The following ENG variants were observed in gnomAD, a reference collection of about 807,000 sequenced individuals.
The protein encoded by ENG is CD105 antigen.
In ENG, 17 loss-of-function variants were observed where a neutral mutation model predicts 71.0. That is an observed-to-expected ratio of 0.24 (90% CI 0.16 to 0.36). The LOEUF (loss-of-function observed/expected upper bound fraction) is 0.36, where lower values mean the gene tolerates loss of function less well. Ranked by LOEUF, ENG falls within the 10% of genes least tolerant of loss-of-function variation. ENG has a pLI of 1.00. For missense variants in ENG, 749 were observed against 868.3 expected, an observed-to-expected ratio of 0.86 and a Z score of 1.73; for synonymous variants, 360 against 366.9, an observed-to-expected ratio of 0.98 and a Z score of 0.21.
intron 10 of ENG, 54 bp from the exon 11 acceptor site, chr9:127,818,886 G>A: frequency 6.5e-7 from 1 of 1,540,230 alleles, no homozygotes. Flanking sequence ...AGCCAGGAGG[G>A]CGAGGGGTGT....
chr9:127,847,145 C>CA (rs1240450641), intron 1 of ENG: 2 of 159,172 alleles, frequency 1.3e-5, no homozygotes, highest in African/African-American at 4.8e-5. Context: ...CGAGTGAACT[C>CA]ATTTGATCCT....
chr9:127,815,830 G>A, intron 14 of ENG, 24 bp from the exon 15 acceptor site: 1 of 1,548,382 alleles, frequency 6.5e-7, no homozygotes, highest in Non-Finnish European at 8.7e-7. Context: ...CGGGGGCAGG[G>A]GCGGAGGTCA....
intron 13 of ENG, 197 bp downstream of exon 13, chr9:127,816,952 C>T (rs940617007): frequency 7.6e-5 from 50 of 662,084 alleles, no homozygotes; most frequent in Non-Finnish European, 1.2e-4. Context: ...GGCTCTCCAT[C>T]TGCAAAGTGC....
At chr9:127,817,714 A>G (rs1830361474) in intron 12 of ENG, 1 of 368,610 alleles carries the variant, frequency 2.7e-6, no homozygotes, top group East Asian at 6.5e-5. Context: ...TGGCAAATAC[A>G]GAAAGCCAGG....
At chr9:127,837,622 A>AACGACCAG (rs1208430219) in intron 2 of ENG, among the ~76,000 whole-genome samples, 16 of 152,226 alleles carry the variant, frequency 1.1e-4, no homozygotes, top group Non-Finnish European at 2.2e-4. Flanking sequence ...AACACCTCCG[A>AACGACCAG]ACGACCAGAC....
rs115316938 is a variant in ENG at position 127,825,219 on chromosome 9, C to T, written c.816+12G>A. Reference sequence around the variant, plus strand: ...TTTGGGTTTTGTGTCCCGGGAGCTGCGCACAACTCACCCAGATCTGCATGT... The same window carrying T: ...TTTGGGTTTTGTGTCCCGGGAGCTGTGCACAACTCACCCAGATCTGCATGT... On this transcript the variant is annotated intron_variant, in intron 6 of 14. Transcript: ENST00000373203. 1.5e-4 allele frequency: 241 copies of T among 1,612,998 alleles called. 2 individuals are homozygous for T. In the African/African-American group the frequency reaches 2.6e-3, roughly 17 times the overall value.
In ENG at chr9:127,816,234, A is replaced by G. The variant is rs1212640298; in HGVS notation, c.1742-181T>C. On this transcript the variant is annotated intron_variant, in intron 13 of 14. Transcript: ENST00000373203. The stretch of plus-strand genomic sequence containing the variant: ...TCACAGCCAGGCCTGGCATTGAGCC[A>G]TGGTTGCTAGGACTGTCCACCTAGA... 9.9e-6 allele frequency: 8 copies of G among 804,762 alleles called. No individual in the cohort carries two copies. In the African/African-American group the frequency reaches 1.2e-4, roughly 12 times the overall value. The allele number at this position is 804,762 out of a possible 1,614,324, so 49.9% of individuals were successfully genotyped here.
At chr9:127,851,975 C>G (rs1383600403) in intron 1 of ENG, among the ~76,000 whole-genome samples, 1 of 152,120 alleles carries the variant, frequency 6.6e-6, no homozygotes, top group Non-Finnish European at 1.5e-5. Context: ...CCAGAATTTT[C>G]TCTGTGCATA....
At chr9:127,827,656 T>A (rs1830654934) in intron 3 of ENG, among the ~76,000 whole-genome samples, 1 of 152,176 alleles carries the variant, frequency 6.6e-6, no homozygotes, top group Admixed American at 6.5e-5. Flanking sequence ...AAATATTTTT[T>A]ATTATAATTT....
intron 11 of ENG, 109 bp downstream of exon 11, chr9:127,818,607 C>A (rs1830392092): frequency 1.4e-6 from 2 of 1,418,244 alleles, no homozygotes; most frequent in South Asian, 2.3e-5. Flanking sequence ...CAGGCTGTCT[C>A]CCTCCTGACT....
chr9:127,843,503 T>A (rs1174727696), intron 1 of ENG, among the ~76,000 whole-genome samples: 2 of 151,896 alleles, frequency 1.3e-5, no homozygotes, highest in African/African-American at 4.8e-5. Context: ...CAGCTAAATT[T>A]AAATTTCAGA....
At chr9:127,819,293 TGAAGAGCTTCCA>T in intron 10 of ENG, 1 of 379,876 alleles carries the variant, frequency 2.6e-6, no homozygotes, top group South Asian at 2.6e-5. Context: ...CCAGGCTGTG[TGAAGAGCTTCCA>T]CACAGCACCT....
chr9:127,830,178 C>T (rs1830731192), intron 2 of ENG, among the ~76,000 whole-genome samples: 1 of 151,258 alleles, frequency 6.6e-6, no homozygotes, highest in South Asian at 2.1e-4. Flanking sequence ...CCCATCTGTA[C>T]TAAAAATACA....
intron 2 of ENG, among the ~76,000 whole-genome samples, chr9:127,839,020 A>T (rs895855718): frequency 2.0e-5 from 3 of 151,532 alleles, no homozygotes; most frequent in African/African-American, 7.3e-5. Flanking sequence ...AAAAGCCACC[A>T]CCCCCACTAC....
intron 1 of ENG, 69 bp downstream of exon 1, chr9:127,854,220 G>A (rs374310409): frequency 8.7e-6 from 13 of 1,489,542 alleles, no homozygotes; most frequent in Middle Eastern, 1.7e-4. Flanking sequence ...GAAGGAGGCC[G>A]GGAATACTTG....
chr9:127,825,545 A>G, intron 5 of ENG, 150 bp downstream of exon 5: 1 of 1,190,146 alleles, frequency 8.4e-7, no homozygotes, highest in Non-Finnish European at 1.2e-6. Context: ...CTAGAGTAGG[A>G]GAAAGCGACT....
intron 1 of ENG, among the ~76,000 whole-genome samples, chr9:127,848,301 T>A (rs376345008): frequency 4.0e-5 from 6 of 151,790 alleles, no homozygotes; most frequent in Admixed American, 1.3e-4. Flanking sequence ...TTTTTTTTAA[T>A]TTTGGAGAGT....
At chr9:127,847,909 C>G (rs951540831) in intron 1 of ENG, among the ~76,000 whole-genome samples, 2 of 152,152 alleles carry the variant, frequency 1.3e-5, no homozygotes, top group African/African-American at 4.8e-5. Context: ...TTCTACGATG[C>G]CTGCAGGGTC....
rs1234381270 is a variant in ENG at position 127,815,051 on chromosome 9, CAG to C, written c.*629_*630del. 1 of 153,120 alleles carries C rather than the reference CAG, an allele frequency of 6.5e-6. No homozygotes were observed. The highest frequency in any genetic ancestry group is 1.9e-4 in the East Asian group (1 of 5,200). 9.5% of individuals were successfully genotyped at this position (153,120 alleles called of 1,614,324 possible). A position where few individuals can be genotyped will look rare whatever the true frequency, so the allele number is the denominator to read the frequency against. Reference sequence around the variant, plus strand: ...GTCTGATTTATTGGTGGTGAATACACAGGGGCAGGCCCAGGACAAGCAGCTTG... The same window carrying C: ...GTCTGATTTATTGGTGGTGAATACACGGGCAGGCCCAGGACAAGCAGCTTG... On this transcript the variant is annotated 3_prime_UTR_variant, in exon 15 of 15. Coordinates refer to ENST00000373203, the MANE Select transcript of ENG (RefSeq NM_001114753.3).
Sources: allele counts gnomAD v4.1 joint callset (sites outside exome capture counted in the v4.1 genomes callset), GRCh38; gene constraint gnomAD v4.1.1; transcripts MANE v1.5; gene names NCBI Gene and HGNC (gene_info 2026-07-23, HGNC 2026-07-21).